The following STK4 variants were observed in gnomAD, a reference collection of about 807,000 sequenced individuals.
STK4 encodes serine/threonine-protein kinase 4.
STK4 carries 30 observed loss-of-function variants against 64.9 expected under a neutral mutation model. The observed-to-expected ratio is 0.46, with a 90% CI of 0.35 to 0.63. STK4 has a LOEUF of 0.63. Ranked by LOEUF, STK4 falls within the 20% of genes least tolerant of loss-of-function variation. The pLI is 0.01. For synonymous variants in STK4, 177 were observed against 199.0 expected (o/e 0.89, Z 0.93); for missense variants, 466 against 598.5 (o/e 0.78, Z 2.31).
intron 10 of STK4, among the ~76,000 whole-genome samples, chr20:45,040,001 C>T (rs1274760375): frequency 6.7e-6 from 1 of 150,038 alleles, no homozygotes; most frequent in African/African-American, 2.5e-5. Context: ...GCAAGCCAGA[C>T]TTTGAGAATT....
At chr20:45,050,855 C>G (rs996837804) in intron 10 of STK4, among the ~76,000 whole-genome samples, 5 of 151,818 alleles carry the variant, frequency 3.3e-5, no homozygotes, top group Non-Finnish European at 7.4e-5. Context: ...TTAACCCTTA[C>G]TTTGTTTTAG....
intron 10 of STK4, among the ~76,000 whole-genome samples, chr20:45,026,128 GTTTT>G (rs33913833): frequency 7.8e-6 from 1 of 128,980 alleles, no homozygotes; most frequent in African/African-American, 3.0e-5. Flanking sequence ...TTATCCAGTG[GTTTT>G]TTTTTTTTTT....
At position 45,018,260 on chromosome 20, in the gene STK4, GA is replaced by G. The variant is rs1305946161; in HGVS notation, c.1148-6705del. On this transcript the variant is annotated intron_variant, in intron 9 of 10. Transcript: ENST00000372806. ...TGCAAACATTCATGCATGAAACAGA[GA>G]AAAAAAATCAGGCTCTGCCCAGTTC... is the stretch of plus-strand genomic sequence containing the variant. Among the ~76,000 whole-genome samples, 4 of 151,794 alleles carry G rather than the reference GA, an allele frequency of 2.6e-5. No homozygotes were observed. The East Asian group carries it at 5.8e-4, about 22-fold the overall frequency.
intron 9 of STK4, among the ~76,000 whole-genome samples, chr20:45,007,440 G>A (rs1038972009): frequency 5.3e-5 from 8 of 152,118 alleles, no homozygotes; most frequent in East Asian, 3.9e-4. Context: ...CCAGCTACTC[G>A]GAAGGCTGAG....
At chr20:45,031,034 C>A (rs2068434120) in intron 10 of STK4, among the ~76,000 whole-genome samples, 1 of 151,716 alleles carries the variant, frequency 6.6e-6, no homozygotes, top group African/African-American at 2.4e-5. Context: ...ATCTCTATTA[C>A]AAAAATAAAA....
intron 10 of STK4, among the ~76,000 whole-genome samples, chr20:45,031,885 A>G (rs7509375): frequency 7.1e-4 from 104 of 146,492 alleles, no homozygotes; most frequent in Admixed American, 1.9e-3. Context: ...AGCCTGGCTG[A>G]CACAGCGAGA....
At chr20:45,006,964 G>A (rs1277832151) in intron 9 of STK4, among the ~76,000 whole-genome samples, 1 of 152,094 alleles carries the variant, frequency 6.6e-6, no homozygotes, top group Non-Finnish European at 1.5e-5. Context: ...TAGGCCACTC[G>A]GCTCAGTGCT....
intron 9 of STK4, among the ~76,000 whole-genome samples, chr20:45,018,772 C>T (rs1406194233): frequency 1.3e-5 from 2 of 149,974 alleles, no homozygotes; most frequent in Admixed American, 6.6e-5. Flanking sequence ...GGTCTGTTGC[C>T]CAGGCTGAAG....
chr20:45,067,028 G>C (rs909173046), intron 10 of STK4, among the ~76,000 whole-genome samples: 1 of 152,068 alleles, frequency 6.6e-6, no homozygotes, highest in Non-Finnish European at 1.5e-5. Flanking sequence ...ACCTAAACTA[G>C]AATCCATTCC....
chr20:45,002,387 A>G (rs1366813154), intron 9 of STK4, among the ~76,000 whole-genome samples: 2 of 152,202 alleles, frequency 1.3e-5, no homozygotes, highest in African/African-American at 4.8e-5. Flanking sequence ...TGTTTTCAGA[A>G]CTGGATAGTT....
intron 9 of STK4, among the ~76,000 whole-genome samples, chr20:45,021,655 T>C (rs2068250214): frequency 6.6e-6 from 1 of 152,250 alleles, no homozygotes; most frequent in African/African-American, 2.4e-5. Flanking sequence ...GAGTTACCTC[T>C]TCCATCTGTT....
At chr20:45,066,144 A>G (rs1271985134) in intron 10 of STK4, among the ~76,000 whole-genome samples, 1 of 151,754 alleles carries the variant, frequency 6.6e-6, no homozygotes, top group Non-Finnish European at 1.5e-5. Context: ...ATATATATAC[A>G]CACATTATAT....
In STK4 at chr20:45,025,030, A is replaced by C; in HGVS notation, c.1205A>C (p.Lys402Thr). 6.2e-7 allele frequency: 1 copy of C among 1,613,646 alleles called. No homozygotes were observed. The highest frequency in any genetic ancestry group is 8.5e-7 in the Non-Finnish European group (1 of 1,179,770). The change falls in exon 10 of 11, where the codon AAA becomes ACA. Residue 402 changes from lysine (K) to threonine (T), a missense_variant. Lys to Thr is a moderately conservative substitution (Grantham distance 78). This residue lies in a region of STK4 where 276 missense variants were observed against 308.9 expected (regional missense o/e 0.89). Transcript: ENST00000372806. ...KPSFLEYFEQ[K>T]EKENQINSFG... The stretch of plus-strand genomic sequence containing the variant: ...TCCTTTCTTGAATATTTTGAACAAA[A>C]AGAAAAGGAAAACCAGATCAACAGC...
At chr20:45,065,564 C>G (rs1024744119) in intron 10 of STK4, among the ~76,000 whole-genome samples, 4 of 152,072 alleles carry the variant, frequency 2.6e-5, no homozygotes, top group African/African-American at 7.2e-5. Context: ...AGGATTGGTA[C>G]CAACTCTTCC....
At chr20:45,053,230 G>T in intron 10 of STK4, 7 of 1,465,032 alleles carry the variant, frequency 4.8e-6, no homozygotes, top group South Asian at 1.2e-5. Flanking sequence ...TGGTTCTGCT[G>T]GTGGATCGTG....
At chr20:44,988,892 C>A (rs963706669) in intron 5 of STK4, among the ~76,000 whole-genome samples, 3 of 151,914 alleles carry the variant, frequency 2.0e-5, no homozygotes, top group Non-Finnish European at 2.9e-5. Flanking sequence ...ACATAATGTG[C>A]CCTTTTGTTT....
At chr20:45,006,476 A>G (rs2067947850) in intron 9 of STK4, among the ~76,000 whole-genome samples, 1 of 151,544 alleles carries the variant, frequency 6.6e-6, no homozygotes, top group African/African-American at 2.4e-5. Context: ...AGATCCTGCT[A>G]TTATTTTGTG....
At position 45,004,876 on chromosome 20, in the gene STK4, C is replaced by T. The variant is rs564005549; in HGVS notation, c.1147+3523C>T. On this transcript the variant is annotated intron_variant, in intron 9 of 10. Coordinates refer to ENST00000372806, the MANE Select transcript of STK4 (RefSeq NM_006282.5). The stretch of plus-strand genomic sequence containing the variant: ...CTCCGCCTCCCAGGTTCAAGCGATT[C>T]TCCTGCCCCAGCCTCCCAAGTAGCT... Among the ~76,000 whole-genome samples the T allele has an allele frequency of 2.0e-5, 3 of 151,306 alleles. No individual in the cohort carries two copies. The East Asian group carries it at 5.9e-4, about 30-fold the overall frequency.
intron 10 of STK4, among the ~76,000 whole-genome samples, chr20:45,046,863 G>A (rs2068704385): frequency 6.6e-6 from 1 of 151,928 alleles, no homozygotes; most frequent in African/African-American, 2.4e-5. Context: ...TGTATTTTTA[G>A]TAGAGACAGG....
Sources: gnomAD v4.1 joint callset for allele counts (sites outside exome capture counted in the v4.1 genomes callset) on GRCh38, gnomAD v4.1.1 for gene constraint, gnomAD v4.1.1 regional missense constraint, MANE v1.5 for transcripts, NCBI Gene and HGNC (gene_info 2026-07-23, HGNC 2026-07-21) for gene names.